The following PLCL2 variants were observed in gnomAD, a reference collection of about 807,000 sequenced individuals.
PLCL2 encodes inactive phospholipase C-like protein 2.
PLCL2 carries 4 observed loss-of-function variants against 79.6 expected under a neutral mutation model. That is an observed-to-expected ratio of 0.05 (90% CI 0.02 to 0.11). The LOEUF is 0.11. Among genes scored for constraint, PLCL2 ranks in the 10% least tolerant of loss-of-function variants. The probability of loss-of-function intolerance (pLI) is 1.00; values close to 1 mark genes in which losing one functional copy is unlikely to be tolerated. For missense variants in PLCL2, 895 were observed against 1,291.0 expected (o/e 0.69, Z 4.70); for synonymous variants, 484 against 457.7 (o/e 1.06, Z -0.73).
chr3:16,952,852 T>C (rs1190996975), intron 1 of PLCL2, among the ~76,000 whole-genome samples: 1 of 152,114 alleles, frequency 6.6e-6, no homozygotes, highest in Non-Finnish European at 1.5e-5. Context: ...TTGTATATAA[T>C]GCAAAATTGC....
intron 1 of PLCL2, among the ~76,000 whole-genome samples, chr3:16,992,451 A>T (rs1198116569): frequency 6.6e-6 from 1 of 152,190 alleles, no homozygotes; most frequent in Non-Finnish European, 1.5e-5. Context: ...CATCCAGCAA[A>T]TAACCCCCAT....
intron 1 of PLCL2, among the ~76,000 whole-genome samples, chr3:16,907,119 TATTTA>T (rs1324795154): frequency 1.3e-5 from 2 of 152,254 alleles, no homozygotes; most frequent in African/African-American, 2.4e-5. Flanking sequence ...TCTACTTATA[TATTTA>T]ATTTAAGCCC....
chr3:16,957,802 T>C (rs563585821), intron 1 of PLCL2, among the ~76,000 whole-genome samples: 6 of 152,306 alleles, frequency 3.9e-5, no homozygotes, highest in African/African-American at 1.4e-4. Flanking sequence ...TTTATCTCTT[T>C]TGATCTTTGT....
chr3:17,026,186 G>A (rs948305416), intron 3 of PLCL2, among the ~76,000 whole-genome samples: 8 of 152,254 alleles, frequency 5.3e-5, no homozygotes, highest in Middle Eastern at 3.4e-3. Flanking sequence ...ATGGTTTTAA[G>A]CCTTTTCTAA....
chr3:16,951,065 C>G (rs1024758618), intron 1 of PLCL2, among the ~76,000 whole-genome samples: 5 of 152,126 alleles, frequency 3.3e-5, no homozygotes, highest in Admixed American at 6.5e-5. Flanking sequence ...TCTAAAATGT[C>G]AACAGTGCTG....
chr3:17,075,981 C>T (rs1056371426), intron 5 of PLCL2, among the ~76,000 whole-genome samples: 7 of 152,158 alleles, frequency 4.6e-5, no homozygotes, highest in African/African-American at 1.7e-4. Flanking sequence ...CTGCAATGAA[C>T]ATTCACATAT....
intron 1 of PLCL2, among the ~76,000 whole-genome samples, chr3:16,987,165 C>T (rs1018152207): frequency 6.6e-6 from 1 of 152,022 alleles, no homozygotes; most frequent in Non-Finnish European, 1.5e-5. Context: ...GAGAGGACAA[C>T]TGAGTAGCCT....
chr3:16,971,639 C>T (rs2063869524), intron 1 of PLCL2, among the ~76,000 whole-genome samples: 2 of 152,122 alleles, frequency 1.3e-5, no homozygotes, highest in Admixed American at 6.6e-5. Flanking sequence ...TTACCTTGGG[C>T]GATATGGCCA....
chr3:17,059,176 T>C (rs1048658985), intron 4 of PLCL2, among the ~76,000 whole-genome samples: 1 of 152,152 alleles, frequency 6.6e-6, no homozygotes, highest in Non-Finnish European at 1.5e-5. Context: ...ACATACATTA[T>C]GATACATCCT....
chr3:17,042,182 A>G (rs2064730262), intron 3 of PLCL2, among the ~76,000 whole-genome samples: 2 of 152,180 alleles, frequency 1.3e-5, no homozygotes, highest in African/African-American at 4.8e-5. Flanking sequence ...TAGAGCCAAC[A>G]AGATTACTTC....
At chr3:17,047,504 G>A (rs1332222961) in intron 4 of PLCL2, among the ~76,000 whole-genome samples, 1 of 152,200 alleles carries the variant, frequency 6.6e-6, no homozygotes, top group Non-Finnish European at 1.5e-5. Flanking sequence ...AAAAGCTCCA[G>A]CGTATTTTCA....
At chr3:16,994,595 A>C (rs1403876127) in intron 1 of PLCL2, among the ~76,000 whole-genome samples, 1 of 152,248 alleles carries the variant, frequency 6.6e-6, no homozygotes, top group Non-Finnish European at 1.5e-5. Flanking sequence ...GATTTACAGC[A>C]ATGCATATTA....
intron 1 of PLCL2, among the ~76,000 whole-genome samples, chr3:16,964,585 G>A (rs948698313): frequency 6.6e-6 from 1 of 152,176 alleles, no homozygotes; most frequent in Non-Finnish European, 1.5e-5. Flanking sequence ...GATCCTTGAG[G>A]AATCCCCACA....
intron 1 of PLCL2, among the ~76,000 whole-genome samples, chr3:16,927,219 A>T (rs1365225573): frequency 6.6e-6 from 1 of 152,184 alleles, no homozygotes; most frequent in Non-Finnish European, 1.5e-5. Flanking sequence ...AAAACACCTG[A>T]TGCACAATAT....
chr3:17,046,357 A>T (rs1246463342), intron 4 of PLCL2, among the ~76,000 whole-genome samples: 4 of 152,102 alleles, frequency 2.6e-5, no homozygotes, highest in Non-Finnish European at 4.4e-5. Context: ...TCTAATATCT[A>T]TGTTTTTGTC....
chr3:17,049,378 T>C (rs922662392), intron 4 of PLCL2, among the ~76,000 whole-genome samples: 2 of 152,156 alleles, frequency 1.3e-5, no homozygotes, highest in Admixed American at 1.3e-4. Context: ...AAGAAAATCA[T>C]TGAGTCAAAT....
chr3:17,057,014 G>A (rs1053283190), intron 4 of PLCL2, among the ~76,000 whole-genome samples: 2 of 152,094 alleles, frequency 1.3e-5, no homozygotes, highest in South Asian at 2.1e-4. Flanking sequence ...CTGGGTGAAG[G>A]GAAATATTTG....
chr3:16,889,135 T>G (rs770203904), intron 1 of PLCL2, among the ~76,000 whole-genome samples: 1 of 152,194 alleles, frequency 6.6e-6, no homozygotes, highest in Non-Finnish European at 1.5e-5. Context: ...TATTAAACAC[T>G]CACTGCATGC....
At chr3:16,962,849 C>T (rs951668960) in intron 1 of PLCL2, among the ~76,000 whole-genome samples, 6 of 152,178 alleles carry the variant, frequency 3.9e-5, no homozygotes, top group South Asian at 4.1e-4. Flanking sequence ...GCAAAGAATA[C>T]GTGTGTGTTT....
Sources: gnomAD v4.1 joint callset for allele counts (sites outside exome capture counted in the v4.1 genomes callset) on GRCh38, gnomAD v4.1.1 for gene constraint, MANE v1.5 for transcripts, NCBI Gene and HGNC (gene_info 2026-07-23, HGNC 2026-07-21) for gene names.